The following SLIT3 variants were observed in gnomAD, a reference collection of about 807,000 sequenced individuals.
The protein encoded by SLIT3 is slit guidance ligand 3, also known as slit homolog 3 protein.
SLIT3 carries 68 observed loss-of-function variants against 184.0 expected under a neutral mutation model. The observed-to-expected ratio is 0.37, with a 90% CI of 0.30 to 0.45. The LOEUF is 0.45. Ranked by LOEUF, SLIT3 falls within the 20% of genes least tolerant of loss-of-function variation. The probability of loss-of-function intolerance (pLI) is 1.00; values close to 1 mark genes in which losing one functional copy is unlikely to be tolerated. For synonymous variants in SLIT3, 831 were observed against 828.6 expected (o/e 1.00, Z -0.05); for missense variants, 1,707 against 2,026.0 (o/e 0.84, Z 3.02).
At chr5:168,712,730 G>A (rs1023135994) in intron 23 of SLIT3, 17 of 197,504 alleles carry the variant, frequency 8.6e-5, no homozygotes, top group Admixed American at 1.6e-4. Flanking sequence ...GAGATCATAT[G>A]AAGAGCTGTG....
intron 4 of SLIT3, among the ~76,000 whole-genome samples, chr5:169,023,295 G>A (rs1756674353): frequency 6.6e-6 from 1 of 152,062 alleles, no homozygotes; most frequent in Admixed American, 6.5e-5. Context: ...TGTATGGGTG[G>A]GTTTGGGGTT....
In SLIT3 at chr5:168,750,112, T is replaced by C. The variant is rs148581067; in HGVS notation, c.1974-477A>G. 2.4e-4 allele frequency among the ~76,000 whole-genome samples: 36 copies of C among 152,168 alleles called. No homozygotes were observed. In the East Asian group the frequency reaches 6.4e-3, roughly 27 times the overall value. The stretch of plus-strand genomic sequence containing the variant: ...ATTCTCCCCATAGCACCCATGGGAG[T>C]GTGCGGTGACTGGTTTCTGTGCTCG... On this transcript the variant is annotated intron_variant, in intron 18 of 35. Transcript: ENST00000519560.
At chr5:169,205,585 T>C (rs1764040436) in intron 3 of SLIT3, among the ~76,000 whole-genome samples, 1 of 152,204 alleles carries the variant, frequency 6.6e-6, no homozygotes, top group Non-Finnish European at 1.5e-5. Flanking sequence ...GTTGGTTGGT[T>C]CATCGGTTGG....
At position 169,300,890 on chromosome 5, in the gene SLIT3, G is replaced by T; in HGVS notation, c.-181C>A. ...GGCGGAGCGGGGCGCTCCGGGCGGC[G>T]GCGGCGGCAGCAACAGCAGCTCCAT... On this transcript the variant is annotated 5_prime_UTR_variant, in exon 1 of 36. Coordinates refer to ENST00000519560, the MANE Select transcript of SLIT3 (RefSeq NM_003062.4). The surrounding 1 kb of genome is among the most constrained non-coding windows in gnomAD (Gnocchi z 4.1). The T allele has an allele frequency of 2.7e-6, 1 of 367,620 alleles. No individual in the cohort carries two copies. The highest frequency in any genetic ancestry group is 4.4e-6 in the Non-Finnish European group (1 of 229,592). The allele number at this position is 367,620 out of a possible 1,614,324, so 22.8% of individuals were successfully genotyped here. A position where few individuals can be genotyped will look rare whatever the true frequency, so the allele number is the denominator to read the frequency against.
At chr5:169,082,677 T>C (rs1759119347) in intron 4 of SLIT3, among the ~76,000 whole-genome samples, 1 of 152,226 alleles carries the variant, frequency 6.6e-6, no homozygotes, top group South Asian at 2.1e-4. Flanking sequence ...TATCACAACT[T>C]GCCATTTAAT....
rs1456680471 is a variant in SLIT3 at position 169,301,117 on chromosome 5, G to T, written c.-408C>A. ...CACGGGGCGGCCGGGTGAGCTGGCCGGCGCTCGCTCTCTCCATTCAGTGAG... is the reference window on the plus strand; with the variant it reads ...CACGGGGCGGCCGGGTGAGCTGGCCTGCGCTCGCTCTCTCCATTCAGTGAG... On this transcript the variant is annotated 5_prime_UTR_variant, in exon 1 of 36. Transcript: ENST00000519560. The T allele has an allele frequency of 2.6e-5, 4 of 152,896 alleles. No individual in the cohort carries two copies. The highest frequency in any genetic ancestry group is 1.9e-4 in the South Asian group (1 of 5,260). 9.5% of individuals were successfully genotyped at this position (152,896 alleles called of 1,614,324 possible).
intron 4 of SLIT3, among the ~76,000 whole-genome samples, chr5:169,186,707 A>G (rs1763349307): frequency 6.6e-6 from 1 of 152,184 alleles, no homozygotes; most frequent in Non-Finnish European, 1.5e-5. Context: ...GAGCATGTAT[A>G]CGCGACACCT....
intron 12 of SLIT3, among the ~76,000 whole-genome samples, chr5:168,777,589 C>A (rs1051263962): frequency 1.3e-5 from 2 of 152,138 alleles, no homozygotes; most frequent in Admixed American, 6.5e-5. Flanking sequence ...ATCAAAACAA[C>A]CCAGGCTGGC....
chr5:168,981,636 C>A (rs920429100), intron 4 of SLIT3, among the ~76,000 whole-genome samples: 4 of 152,196 alleles, frequency 2.6e-5, no homozygotes, highest in Admixed American at 2.6e-4. Context: ...AGCACTGCTG[C>A]CCCCATCCCT....
intron 4 of SLIT3, among the ~76,000 whole-genome samples, chr5:168,945,149 A>G (rs1271757407): frequency 6.6e-6 from 1 of 152,206 alleles, no homozygotes; most frequent in East Asian, 1.9e-4. Context: ...TCACACTGAT[A>G]ACATATCAGG....
chr5:169,150,516 TACAC>T (rs58010997), intron 4 of SLIT3, among the ~76,000 whole-genome samples: 50 of 145,404 alleles, frequency 3.4e-4, no homozygotes, highest in South Asian at 1.6e-3. Context: ...TTCACTCACA[TACAC>T]ACACACACAC....
intron 4 of SLIT3, among the ~76,000 whole-genome samples, chr5:169,087,176 C>T (rs575747736): frequency 6.6e-6 from 1 of 152,302 alleles, no homozygotes; most frequent in East Asian, 1.9e-4. Context: ...CTTCTTCCCC[C>T]GGATATTCTG....
intron 4 of SLIT3, among the ~76,000 whole-genome samples, chr5:168,996,438 A>G (rs1387791725): frequency 6.6e-6 from 1 of 152,204 alleles, no homozygotes; most frequent in Admixed American, 6.5e-5. Context: ...ATGAACATCA[A>G]TAAAATATTC....
At chr5:169,055,893 C>G (rs557016005) in intron 4 of SLIT3, among the ~76,000 whole-genome samples, 1 of 151,266 alleles carries the variant, frequency 6.6e-6, no homozygotes, top group South Asian at 2.1e-4. Flanking sequence ...GTGTTCAAAA[C>G]AGGGAGGGCT....
At chr5:169,288,986 G>A (rs890342302) in intron 1 of SLIT3, among the ~76,000 whole-genome samples, 2 of 152,176 alleles carry the variant, frequency 1.3e-5, no homozygotes, top group African/African-American at 4.8e-5. Context: ...CAGATATTGT[G>A]GGTGGACTCA....
chr5:169,021,703 T>A (rs553854961), intron 4 of SLIT3, among the ~76,000 whole-genome samples: 2 of 152,268 alleles, frequency 1.3e-5, no homozygotes, highest in South Asian at 4.1e-4. Flanking sequence ...TCCAAGACAC[T>A]CATACTCCCT....
intron 27 of SLIT3, among the ~76,000 whole-genome samples, chr5:168,698,701 C>T (rs1193860294): frequency 6.6e-6 from 1 of 152,148 alleles, no homozygotes; most frequent in African/African-American, 2.4e-5. Flanking sequence ...AAGCACCACT[C>T]CCCTTCACCC....
At chr5:168,917,433 T>C (rs1046404494) in intron 4 of SLIT3, among the ~76,000 whole-genome samples, 15 of 152,228 alleles carry the variant, frequency 9.9e-5, no homozygotes, top group Non-Finnish European at 2.1e-4. Flanking sequence ...AAAGAACTGG[T>C]CCCCTGACAT....
chr5:168,882,296 C>T (rs763737333), intron 5 of SLIT3, among the ~76,000 whole-genome samples: 1 of 152,128 alleles, frequency 6.6e-6, no homozygotes, highest in Admixed American at 6.5e-5. Context: ...AAGCATGTTC[C>T]GACCCCGTGG....
Sources: allele counts gnomAD v4.1 joint callset (sites outside exome capture counted in the v4.1 genomes callset), GRCh38; gene constraint gnomAD v4.1.1; non-coding constraint Gnocchi (gnomAD v3.1); transcripts MANE v1.5; gene names NCBI Gene and HGNC (gene_info 2026-07-23, HGNC 2026-07-21).